RP1: variants seen among roughly 807,000 people sequenced by gnomAD.
The protein encoded by RP1 is RP1 axonemal microtubule associated, also known as oxygen-regulated protein 1.
RP1 carries 16 observed loss-of-function variants against 14.8 expected under a neutral mutation model. The ratio of observed to expected loss-of-function variants is 1.08; its 90% CI spans 0.73 to 1.65. The LOEUF is 1.65. Among genes scored for constraint, RP1 ranks in the 40% most tolerant of loss-of-function variants. RP1 has a pLI of 0.00. For synonymous variants in RP1, 876 were observed against 883.6 expected, an observed-to-expected ratio of 0.99 and a Z score of 0.15; for missense variants, 2,631 against 2,535.0, an observed-to-expected ratio of 1.04 and a Z score of -0.81.
chr8:54,770,167 G>T, downstream of RP1: 1 of 401,018 alleles, frequency 2.5e-6, no homozygotes, highest in South Asian at 1.2e-4. Context: ...GGAAGCAAAT[G>T]GTAAATGTTG....
intron 15 of RP1, among the ~76,000 whole-genome samples, chr8:54,716,349 T>C (rs554741697): frequency 6.6e-6 from 1 of 152,172 alleles, no homozygotes; most frequent in Non-Finnish European, 1.5e-5. Context: ...ATAATTTTTT[T>C]AAATTATTTA....
chr8:54,821,907 T>A (rs1811264620), intron 24 of RP1, among the ~76,000 whole-genome samples: 1 of 152,190 alleles, frequency 6.6e-6, no homozygotes. Flanking sequence ...GAATATCCTT[T>A]TGTTGTCTGA....
At chr8:54,797,530 A>AACACACACACAC (rs3077304) in intron 24 of RP1, among the ~76,000 whole-genome samples, 153 of 148,394 alleles carry the variant, frequency 1.0e-3, no homozygotes, top group African/African-American at 3.3e-3. Flanking sequence ...CATAGGACTA[A>AACACACACACAC]ACACACACAC....
chr8:54,797,892 T>G (rs1810612960), intron 24 of RP1, among the ~76,000 whole-genome samples: 2 of 146,260 alleles, frequency 1.4e-5, no homozygotes, highest in Admixed American at 6.7e-5. Context: ...TTTTTTTTTT[T>G]TTAACCATAA....
At chr8:54,671,150 A>G (rs1467543761) in intron 7 of RP1, among the ~76,000 whole-genome samples, 1 of 151,922 alleles carries the variant, frequency 6.6e-6, no homozygotes, top group African/African-American at 2.4e-5. Context: ...AATATTTTGA[A>G]TGTATCATCC....
intron 1 of RP1, among the ~76,000 whole-genome samples, chr8:54,598,676 T>C (rs1234054225): frequency 6.6e-6 from 1 of 152,214 alleles, no homozygotes; most frequent in Non-Finnish European, 1.5e-5. Context: ...TATTCTTAGT[T>C]TTCCTTCATC....
intron 12 of RP1, among the ~76,000 whole-genome samples, chr8:54,694,401 C>T (rs1807803483): frequency 6.6e-6 from 1 of 152,180 alleles, no homozygotes; most frequent in South Asian, 2.1e-4. Context: ...ATGGTACCAG[C>T]TCCTCCTTGT....
At chr8:54,761,480 G>A (rs144074289) in intron 22 of RP1, among the ~76,000 whole-genome samples, 208 of 151,926 alleles carry the variant, frequency 1.4e-3, no homozygotes, top group Middle Eastern at 0.01. Flanking sequence ...CAGGCAATCC[G>A]CTCGCCTTAA....
intron 24 of RP1, among the ~76,000 whole-genome samples, chr8:54,798,147 G>A (rs1810619081): frequency 6.6e-6 from 1 of 152,028 alleles, no homozygotes; most frequent in Non-Finnish European, 1.5e-5. Flanking sequence ...CTGAGTAGCT[G>A]GGACTACAGG....
intron 24 of RP1, among the ~76,000 whole-genome samples, chr8:54,831,727 G>C (rs75443237): frequency 3.3e-5 from 5 of 151,570 alleles, no homozygotes; most frequent in Admixed American, 6.6e-5. Flanking sequence ...TTTATGTATA[G>C]TATATTTACT....
upstream of RP1, among the ~76,000 whole-genome samples, chr8:54,615,139 A>C (rs1306317892): frequency 6.6e-6 from 1 of 152,008 alleles, no homozygotes; most frequent in East Asian, 1.9e-4. Flanking sequence ...GCTGGACACT[A>C]CTGTTTCTCT....
intron 12 of RP1, among the ~76,000 whole-genome samples, chr8:54,684,055 G>T (rs1220298219): frequency 1.4e-5 from 2 of 142,220 alleles, no homozygotes; most frequent in Non-Finnish European, 3.0e-5. Flanking sequence ...TCTTTTCTGT[G>T]TCTATTGAGA....
intron 26 of RP1, among the ~76,000 whole-genome samples, chr8:54,855,974 C>CAT (rs1491028740): frequency 1.7e-4 from 6 of 34,550 alleles, no homozygotes; most frequent in African/African-American, 1.3e-3. Flanking sequence ...CACACACACC[C>CAT]CCTATAACCC....
chr8:54,784,918 T>G (rs1810281057), intron 24 of RP1, among the ~76,000 whole-genome samples: 1 of 152,054 alleles, frequency 6.6e-6, no homozygotes, highest in Admixed American at 6.6e-5. Context: ...TTTTTATTAT[T>G]TTTTAATTTT....
intron 24 of RP1, among the ~76,000 whole-genome samples, chr8:54,833,907 T>C (rs925730950): frequency 4.6e-5 from 7 of 151,918 alleles, no homozygotes; most frequent in Non-Finnish European, 8.8e-5. Flanking sequence ...CCCACCAAAA[T>C]TTTGATAGAA....
intron 1 of RP1, among the ~76,000 whole-genome samples, chr8:54,581,091 G>T (rs2042819960): frequency 6.6e-6 from 1 of 151,926 alleles, no homozygotes; most frequent in South Asian, 2.1e-4. Context: ...TGCCATGTTG[G>T]TGTGCTGCAC....
At chr8:54,790,508 A>G (rs1196888629) in intron 24 of RP1, among the ~76,000 whole-genome samples, 1 of 152,098 alleles carries the variant, frequency 6.6e-6, no homozygotes, top group Non-Finnish European at 1.5e-5. Context: ...ATGGAGATCT[A>G]CGAACTGTTT....
At chr8:54,723,731 C>G (rs1369488585) in intron 16 of RP1, among the ~76,000 whole-genome samples, 1 of 152,144 alleles carries the variant, frequency 6.6e-6, no homozygotes, top group Non-Finnish European at 1.5e-5. Flanking sequence ...AGAGTAAGAC[C>G]ACACTGCTAG....
intron 22 of RP1, among the ~76,000 whole-genome samples, chr8:54,765,415 G>A (rs932808560): frequency 5.3e-5 from 8 of 152,206 alleles, no homozygotes; most frequent in Non-Finnish European, 1.2e-4. Flanking sequence ...TTTGTGGAGA[G>A]GGTCAGGAAA....
Sources: gnomAD v4.1 joint callset for allele counts (sites outside exome capture counted in the v4.1 genomes callset) on GRCh38, gnomAD v4.1.1 for gene constraint, MANE v1.5 for transcripts, NCBI Gene and HGNC (gene_info 2026-07-23, HGNC 2026-07-21) for gene names.